Variants in CAMTA1 observed in about 807,000 individuals in gnomAD.
CAMTA1 encodes calmodulin binding transcription activator 1.
A neutral mutation model predicts 170.9 loss-of-function variants in CAMTA1; 27 were observed. The ratio of observed to expected loss-of-function variants is 0.16; its 90% CI spans 0.12 to 0.22. The LOEUF is 0.22. CAMTA1 is among the 10% of genes least tolerant of loss of function. CAMTA1 has a pLI of 1.00. For missense variants in CAMTA1, 1,619 were observed against 2,217.2 expected, an observed-to-expected ratio of 0.73 and a Z score of 5.42; for synonymous variants, 833 against 891.5, an observed-to-expected ratio of 0.93 and a Z score of 1.17.
chr1:7,761,232 G>C (rs537566425), intron 22 of CAMTA1, among the ~76,000 whole-genome samples: 7 of 152,266 alleles, frequency 4.6e-5, no homozygotes, highest in African/African-American at 1.7e-4. Context: ...TCTAATTACT[G>C]TGAGTCTGAG....
At chr1:6,810,314 C>T (rs1291042839) in intron 1 of CAMTA1, among the ~76,000 whole-genome samples, 5 of 152,190 alleles carry the variant, frequency 3.3e-5, no homozygotes, top group East Asian at 1.9e-4. Flanking sequence ...CTCAGCTTTT[C>T]GCCAGCTGTT....
chr1:7,720,083 AGTTGTAATAACAAGTTCTCAC>A (rs1221428952), intron 11 of CAMTA1, among the ~76,000 whole-genome samples: 4 of 152,276 alleles, frequency 2.6e-5, no homozygotes, highest in African/African-American at 9.6e-5. Flanking sequence ...TCAGCTCAGC[AGTTGTAATAACAAGTTCTCAC>A]GTTTGCCGAT....
At chr1:7,723,544 G>A (rs935207827) in intron 11 of CAMTA1, among the ~76,000 whole-genome samples, 4 of 152,082 alleles carry the variant, frequency 2.6e-5, no homozygotes, top group Non-Finnish European at 5.9e-5. Context: ...CTTGTTGTTG[G>A]GACTGGACTT....
intron 11 of CAMTA1, among the ~76,000 whole-genome samples, chr1:7,686,382 A>G (rs540260173): frequency 1.5e-4 from 23 of 152,270 alleles, no homozygotes; most frequent in African/African-American, 5.3e-4. Context: ...AGTGACAGGC[A>G]GGGGCCAGCC....
chr1:7,664,449 C>G lies in CAMTA1; in HGVS notation c.1902C>G (p.Ser634Arg). 6.2e-7 allele frequency: 1 copy of G among 1,613,496 alleles called. No homozygotes were observed. The highest frequency in any genetic ancestry group is 8.5e-7 in the Non-Finnish European group (1 of 1,180,032). Residue 634 changes from serine (S) to arginine (R), a missense_variant, in exon 9 of 23, where the codon AGC becomes AGG. Physicochemically the swap from Ser to Arg is moderately radical, Grantham distance 110. Transcript: ENST00000303635. The part of the protein sequence containing the change: ...PLPVEQNTHS[S>R]LSDSGGTFVM... Reference sequence around the variant, plus strand: ...CCGTCGAGCAGAACACCCACAGCAGCCTGAGTGACTCTGGGGGCACCTTCG... The same window carrying G: ...CCGTCGAGCAGAACACCCACAGCAGGCTGAGTGACTCTGGGGGCACCTTCG...
intron 5 of CAMTA1, among the ~76,000 whole-genome samples, chr1:7,284,429 C>T (rs1026640753): frequency 2.6e-5 from 4 of 151,988 alleles, no homozygotes; most frequent in Non-Finnish European, 5.9e-5. Context: ...GTCTTGAACT[C>T]CTGACCTCGT....
chr1:7,095,269 G>T (rs1033240370), intron 4 of CAMTA1, among the ~76,000 whole-genome samples: 2 of 152,228 alleles, frequency 1.3e-5, no homozygotes, highest in Non-Finnish European at 2.9e-5. Flanking sequence ...ACACCTCCCA[G>T]ACCCTCAAGA....
rs1435093546 is a variant in CAMTA1 at position 7,479,981 on chromosome 1, G to T, written c.510+12080G>T. On this transcript the variant is annotated intron_variant, in intron 6 of 22. Coordinates refer to ENST00000303635, the MANE Select transcript of CAMTA1 (RefSeq NM_015215.4). ...TGTGAGTACACAAGTGTGTATATATGTGAATGTATGTGCATGTGTGTGAAT... is the reference window on the plus strand; with the variant it reads ...TGTGAGTACACAAGTGTGTATATATTTGAATGTATGTGCATGTGTGTGAAT... Among the ~76,000 whole-genome samples, 3 of 152,112 alleles carry T rather than the reference G, an allele frequency of 2.0e-5. No homozygotes were observed. In the East Asian group the frequency reaches 5.8e-4, roughly 29 times the overall value.
intron 4 of CAMTA1, among the ~76,000 whole-genome samples, chr1:7,181,092 G>A (rs932600716): frequency 2.0e-5 from 3 of 152,122 alleles, no homozygotes; most frequent in African/African-American, 7.2e-5. Flanking sequence ...TGCAAGGTTG[G>A]TTCAACATGA....
At position 7,681,904 on chromosome 1, in the gene CAMTA1, C is replaced by T. The variant is rs149488669; in HGVS notation, c.2914+4171C>T. 2.2e-3 allele frequency among the ~76,000 whole-genome samples: 332 copies of T among 152,254 alleles called. 5 individuals are homozygous for T. Among genetic ancestry groups the T allele is most frequent in the South Asian group, 0.013 (64 of 4,826 alleles). ...CTGGGTCCCTAGAAGAGAAGGTGAG[C>T]GGAATTTTTGTGTGCCTCTTTCTTG... On this transcript the variant is annotated intron_variant, in intron 11 of 22. Transcript: ENST00000303635. The surrounding 1 kb of genome is among the most constrained non-coding windows in gnomAD (Gnocchi z 4.6).
chr1:7,490,782 C>T (rs2093692047), intron 6 of CAMTA1, among the ~76,000 whole-genome samples: 1 of 152,208 alleles, frequency 6.6e-6, no homozygotes, highest in Non-Finnish European at 1.5e-5. Flanking sequence ...CAGGAGTCCT[C>T]TGACTGGGTT....
chr1:6,940,799 C>T (rs947264838), intron 3 of CAMTA1, among the ~76,000 whole-genome samples: 15 of 132,632 alleles, frequency 1.1e-4, no homozygotes, highest in African/African-American at 4.3e-4. Context: ...CCACACAGCC[C>T]CCTTCCTCAC....
intron 1 of CAMTA1, among the ~76,000 whole-genome samples, chr1:6,793,102 C>T (rs1314156436): frequency 1.3e-5 from 2 of 151,962 alleles, no homozygotes; most frequent in African/African-American, 2.4e-5. Flanking sequence ...CCCCTACCTG[C>T]AAATCCCAAA....
At chr1:6,796,881 A>T (rs1041778129) in intron 1 of CAMTA1, among the ~76,000 whole-genome samples, 2 of 152,236 alleles carry the variant, frequency 1.3e-5, no homozygotes, top group Non-Finnish European at 2.9e-5. Context: ...ATGAATGGTG[A>T]GCCGTAAAAA....
chr1:7,409,050 C>T (rs931485198), intron 5 of CAMTA1, among the ~76,000 whole-genome samples: 4 of 152,206 alleles, frequency 2.6e-5, no homozygotes, highest in Admixed American at 2.0e-4. Flanking sequence ...AAGTACCTGC[C>T]TGTGGCCCTC....
At chr1:7,511,678 T>A (rs1013151534) in intron 6 of CAMTA1, among the ~76,000 whole-genome samples, 1 of 152,180 alleles carries the variant, frequency 6.6e-6, no homozygotes, top group Non-Finnish European at 1.5e-5. Flanking sequence ...AGGCAGTTTC[T>A]CACCAGATTC....
rs1270257004 is a variant in CAMTA1 at position 7,146,383 on chromosome 1, G to T, written c.302+55012G>T. Among the ~76,000 whole-genome samples the T allele has an allele frequency of 6.6e-6, 1 of 152,188 alleles. No individual in the cohort carries two copies. Among genetic ancestry groups the T allele is most frequent in the Non-Finnish European group, 1.5e-5 (1 of 68,028 alleles). On this transcript the variant is annotated intron_variant, in intron 4 of 22. Transcript: ENST00000303635. This position sits in a 1 kb window ranked among gnomAD's most constrained non-coding sequence, Gnocchi z 4.3. ...ACGTATGAAAGAAGTGAAGAGATAA[G>T]AATGTGTAGGAAGGTTATCTTTCAA...
chr1:7,165,199 T>C (rs1285176276), intron 4 of CAMTA1, among the ~76,000 whole-genome samples: 1 of 152,218 alleles, frequency 6.6e-6, no homozygotes, highest in African/African-American at 2.4e-5. Context: ...TTGGAGATCT[T>C]CATTTGAAAT....
At chr1:7,217,850 T>C (rs185299782) in intron 4 of CAMTA1, among the ~76,000 whole-genome samples, 129 of 152,330 alleles carry the variant, frequency 8.5e-4, no homozygotes, top group African/African-American at 3.1e-3. Context: ...AAAACATATA[T>C]AATCTATGTA....
Sources: allele counts gnomAD v4.1 joint callset (sites outside exome capture counted in the v4.1 genomes callset), GRCh38; gene constraint gnomAD v4.1.1; non-coding constraint Gnocchi (gnomAD v3.1); transcripts MANE v1.5; gene names NCBI Gene and HGNC (gene_info 2026-07-23, HGNC 2026-07-21).